Variants in TENM2 observed in about 807,000 individuals in gnomAD.
TENM2 encodes teneurin-2.
Under a neutral mutation model 245.2 loss-of-function variants are expected in TENM2, and 52 were observed. That is an observed-to-expected ratio of 0.21 (90% CI 0.17 to 0.27). The LOEUF is 0.27. TENM2 is among the 10% of genes least tolerant of loss of function. The probability of loss-of-function intolerance (pLI) is 1.00; values close to 1 mark genes in which losing one functional copy is unlikely to be tolerated. For missense variants in TENM2, 3,046 were observed against 3,666.8 expected, an observed-to-expected ratio of 0.83 and a Z score of 4.37; for synonymous variants, 1,363 against 1,438.9, an observed-to-expected ratio of 0.95 and a Z score of 1.19.
At chr5:167,566,015 A>T (rs1237856625) in intron 2 of TENM2, among the ~76,000 whole-genome samples, 1 of 152,122 alleles carries the variant, frequency 6.6e-6, no homozygotes, top group African/African-American at 2.4e-5. Context: ...TTTTTGTGTG[A>T]GTTAAATTCT....
At chr5:167,220,401 A>G in the TENM2 span, among the ~76,000 whole-genome samples, 1 of 152,352 alleles carries the variant, frequency 6.6e-6, no homozygotes, top group Non-Finnish European at 1.5e-5. Flanking sequence ...TTTCCACAAT[A>G]CAGTAGACGA....
intron 2 of TENM2, among the ~76,000 whole-genome samples, chr5:167,412,324 A>G (rs964153426): frequency 6.6e-6 from 1 of 152,084 alleles, no homozygotes; most frequent in Non-Finnish European, 1.5e-5. Context: ...CTTGTTAGAT[A>G]TGGAAATTCT....
At chr5:167,476,238 AC>A (rs1364109500) in intron 2 of TENM2, among the ~76,000 whole-genome samples, 1 of 152,212 alleles carries the variant, frequency 6.6e-6, no homozygotes, top group Non-Finnish European at 1.5e-5. Context: ...AAGACTATTT[AC>A]AGTGTAGAAT....
chr5:167,103,444 A>C, the TENM2 span, among the ~76,000 whole-genome samples: 2 of 152,202 alleles, frequency 1.3e-5, no homozygotes, highest in Admixed American at 1.3e-4. Context: ...GAAAAGCTGT[A>C]AATATCTAGT....
chr5:167,465,100 G>A (rs1315199616), intron 2 of TENM2, among the ~76,000 whole-genome samples: 2 of 152,192 alleles, frequency 1.3e-5, no homozygotes, highest in Non-Finnish European at 2.9e-5. Context: ...AGGTGTTTAA[G>A]TTGCAAGTGA....
chr5:167,861,934 G>C (rs894959767), intron 2 of TENM2, among the ~76,000 whole-genome samples: 24 of 152,202 alleles, frequency 1.6e-4, no homozygotes, highest in African/African-American at 5.8e-4. Flanking sequence ...CTGGAGCTCA[G>C]AAAACTTTGT....
At chr5:167,632,134 G>A (rs1361961683) in intron 2 of TENM2, among the ~76,000 whole-genome samples, 1 of 152,136 alleles carries the variant, frequency 6.6e-6, no homozygotes, top group African/African-American at 2.4e-5. Flanking sequence ...CCCTGTAGAT[G>A]TTGCTTTTTA....
At chr5:167,376,597 G>T (rs567331154) in intron 2 of TENM2, among the ~76,000 whole-genome samples, 6 of 152,160 alleles carry the variant, frequency 3.9e-5, no homozygotes, top group Non-Finnish European at 7.4e-5. Context: ...TCACTTTTTT[G>T]AATTTAAATT....
At chr5:168,178,740 G>A (rs968560904) in intron 13 of TENM2, among the ~76,000 whole-genome samples, 11 of 152,166 alleles carry the variant, frequency 7.2e-5, no homozygotes, top group Admixed American at 7.2e-4. Context: ...ACATTCAGAG[G>A]GTACCTATAT....
chr5:167,519,494 A>T (rs550543709), intron 2 of TENM2, among the ~76,000 whole-genome samples: 1 of 152,244 alleles, frequency 6.6e-6, no homozygotes, highest in South Asian at 2.1e-4. Flanking sequence ...TGCCAAAACC[A>T]TGCACTTTAA....
the TENM2 span, among the ~76,000 whole-genome samples, chr5:167,253,231 C>G: frequency 6.7e-6 from 1 of 150,124 alleles, no homozygotes; most frequent in Non-Finnish European, 1.5e-5. Flanking sequence ...ACTGAGATCA[C>G]AAGCATGAGC....
At chr5:167,001,079 A>G in the TENM2 span, among the ~76,000 whole-genome samples, 68 of 152,258 alleles carry the variant, frequency 4.5e-4, 2 homozygotes, top group Admixed American at 3.7e-3. Context: ...TTAGGAATAT[A>G]GGCTAGTGTA....
the TENM2 span, among the ~76,000 whole-genome samples, chr5:166,995,477 G>T: frequency 5.3e-5 from 8 of 151,850 alleles, no homozygotes; most frequent in Non-Finnish European, 1.2e-4. Context: ...TCCTGACCTC[G>T]TGATCCAGCT....
intron 13 of TENM2, chr5:168,165,106 TAGG>T (rs1758099916): frequency 6.6e-6 from 1 of 152,252 alleles, no homozygotes; most frequent in African/African-American, 2.4e-5. Context: ...CATACACTGA[TAGG>T]AGTACACAAT....
intron 1 of TENM2, among the ~76,000 whole-genome samples, chr5:167,338,985 G>A (rs188809306): frequency 6.6e-6 from 1 of 152,166 alleles, no homozygotes; most frequent in Non-Finnish European, 1.5e-5. Context: ...TTGGGAAGAT[G>A]AGGCTTCAGT....
At chr5:167,139,050 T>G in the TENM2 span, among the ~76,000 whole-genome samples, 6 of 152,230 alleles carry the variant, frequency 3.9e-5, no homozygotes. Context: ...TCATTCCTTT[T>G]TTGTTACAAT....
chr5:167,427,772 CG>C (rs1763948673), intron 2 of TENM2, among the ~76,000 whole-genome samples: 9 of 52,310 alleles, frequency 1.7e-4, no homozygotes, highest in East Asian at 1.4e-3. Context: ...GAAGGAAGGA[CG>C]GGAAGGAAGG....
intron 2 of TENM2, among the ~76,000 whole-genome samples, chr5:167,754,710 C>T (rs530408974): frequency 3.1e-5 from 4 of 128,992 alleles, no homozygotes; most frequent in Non-Finnish European, 6.4e-5. Flanking sequence ...CATGAACAAA[C>T]CTTTTTAAGA....
chr5:167,350,626 GAT>G (rs201021580), intron 1 of TENM2, among the ~76,000 whole-genome samples: 899 of 48,356 alleles, frequency 0.019, 21 homozygotes, highest in East Asian at 0.12. Flanking sequence ...TACATATGTG[GAT>G]ATATATATAT....
Sources: allele counts gnomAD v4.1 joint callset (sites outside exome capture counted in the v4.1 genomes callset), GRCh38; gene constraint gnomAD v4.1.1; transcripts MANE v1.5; gene names NCBI Gene and HGNC (gene_info 2026-07-23, HGNC 2026-07-21).